ALDH1A1: variants seen among roughly 807,000 people sequenced by gnomAD.
ALDH1A1 encodes aldehyde dehydrogenase 1A1.
A neutral mutation model predicts 62.1 loss-of-function variants in ALDH1A1; 19 were observed. That is an observed-to-expected ratio of 0.31 (90% CI 0.21 to 0.45). The LOEUF is 0.45. Ranked by LOEUF, ALDH1A1 falls within the 20% of genes least tolerant of loss-of-function variation. The pLI is 1.00. For missense variants in ALDH1A1, 521 were observed against 607.1 expected (o/e 0.86, Z 1.49); for synonymous variants, 231 against 215.9 (o/e 1.07, Z -0.61).
chr9:72,950,665 C>A (rs1830533838), intron 1 of ALDH1A1, among the ~76,000 whole-genome samples: 1 of 151,448 alleles, frequency 6.6e-6, no homozygotes, highest in Non-Finnish European at 1.5e-5. Flanking sequence ...TTACTCAACC[C>A]TGTCTGTTCT....
intron 7 of ALDH1A1, among the ~76,000 whole-genome samples, chr9:72,922,898 G>C (rs1299768932): frequency 6.6e-6 from 1 of 152,254 alleles, no homozygotes; most frequent in African/African-American, 2.4e-5. Context: ...CTCTACGTCT[G>C]TGAAAAACAA....
intron 10 of ALDH1A1, among the ~76,000 whole-genome samples, chr9:72,911,136 A>G (rs1425819297): frequency 6.6e-6 from 1 of 152,124 alleles, no homozygotes; most frequent in Non-Finnish European, 1.5e-5. Flanking sequence ...TACACATTAT[A>G]TATGTATACA....
At chr9:72,907,285 A>C (rs1829888862) in intron 11 of ALDH1A1, among the ~76,000 whole-genome samples, 1 of 152,204 alleles carries the variant, frequency 6.6e-6, no homozygotes, top group East Asian at 1.9e-4. Flanking sequence ...TGAAATTATG[A>C]GTAAACTTCC....
chr9:72,919,939 A>T (rs1233526042), intron 7 of ALDH1A1, among the ~76,000 whole-genome samples: 2 of 152,086 alleles, frequency 1.3e-5, no homozygotes, highest in Non-Finnish European at 2.9e-5. Flanking sequence ...TGGTTTTTCT[A>T]TCTCTAAAAA....
Position 72,912,113 on chromosome 9 carries a change from C to T in ALDH1A1, c.1045G>A (p.Glu349Lys). ...AGGTCAAGTATTTTATCATATTGTT[C>T]CTTGTCAATCTATTTGAAAAATATC... The part of the protein sequence containing the change: ...GVTQGPQIDK[E>K]QYDKILDLIE... The change falls in exon 10 of 13, where the codon GAA (glutamate) becomes AAA (lysine). Residue 349 changes from glutamate (E) to lysine (K), a missense_variant. By Grantham distance (56) the Glu-to-Lys change is moderately conservative. Transcript: ENST00000297785. 1 of 1,610,008 alleles carries T rather than the reference C, an allele frequency of 6.2e-7. No individual in the cohort carries two copies. The highest frequency in any genetic ancestry group is 1.1e-5 in the South Asian group (1 of 90,646).
chr9:72,941,685 A>G (rs551863681), intron 1 of ALDH1A1, among the ~76,000 whole-genome samples: 1 of 152,302 alleles, frequency 6.6e-6, no homozygotes, highest in South Asian at 2.1e-4. Flanking sequence ...ACTCATGGAT[A>G]AGATCTATAA....
chr9:72,923,171 T>C (rs947338754), intron 7 of ALDH1A1, among the ~76,000 whole-genome samples: 8 of 152,162 alleles, frequency 5.3e-5, no homozygotes, highest in Admixed American at 5.2e-4. Flanking sequence ...TTCCTTCTTG[T>C]GAACCTTTTT....
At chr9:72,929,482 C>T (rs1830253490) in intron 3 of ALDH1A1, among the ~76,000 whole-genome samples, 1 of 152,172 alleles carries the variant, frequency 6.6e-6, no homozygotes, top group Admixed American at 6.5e-5. Flanking sequence ...ACACAGTCTA[C>T]TCACACAAAC....
intron 7 of ALDH1A1, among the ~76,000 whole-genome samples, chr9:72,923,539 C>T (rs1460773557): frequency 1.3e-5 from 2 of 152,008 alleles, no homozygotes; most frequent in Non-Finnish European, 2.9e-5. Context: ...AAGTTCAAGC[C>T]AGAGAGGCAG....
At chr9:72,943,628 G>A (rs1830442051) in intron 1 of ALDH1A1, among the ~76,000 whole-genome samples, 2 of 152,128 alleles carry the variant, frequency 1.3e-5, no homozygotes, top group Non-Finnish European at 2.9e-5. Context: ...CCCAACTTGT[G>A]TTTGAACTTG....
intron 1 of ALDH1A1, among the ~76,000 whole-genome samples, chr9:72,952,713 G>T (rs376147926): frequency 6.6e-6 from 1 of 151,824 alleles, no homozygotes; most frequent in East Asian, 1.9e-4. Context: ...AATTCCTTTC[G>T]CTTGGAAATA....
chr9:72,906,891 G>A (rs1398734934), intron 11 of ALDH1A1, among the ~76,000 whole-genome samples: 3 of 152,084 alleles, frequency 2.0e-5, no homozygotes, highest in African/African-American at 4.8e-5. Context: ...GCCTGGGTTA[G>A]TAGCTGGAGA....
Position 72,944,347 on chromosome 9 carries a change from G to T in ALDH1A1, c.67-4095C>A, listed in dbSNP as rs75393167. 7.1e-3 allele frequency among the ~76,000 whole-genome samples: 1,087 copies of T among 152,148 alleles called. 5 individuals carry two copies. The highest frequency in any genetic ancestry group is 0.012 in the Non-Finnish European group (815 of 67,984). On this transcript the variant is annotated intron_variant, in intron 1 of 12. Coordinates refer to ENST00000297785, the MANE Select transcript of ALDH1A1 (RefSeq NM_000689.5). Reference sequence around the variant, plus strand: ...ATGCCATTCTCCCACAAACAGAGGCGTTTCAGCATGAAAAGGGAATTTGGC... The same window carrying T: ...ATGCCATTCTCCCACAAACAGAGGCTTTTCAGCATGAAAAGGGAATTTGGC...
intron 7 of ALDH1A1, among the ~76,000 whole-genome samples, chr9:72,920,409 G>T (rs1830125672): frequency 6.6e-6 from 1 of 152,090 alleles, no homozygotes; most frequent in Non-Finnish European, 1.5e-5. Flanking sequence ...AGATGTTAAG[G>T]AGTTTTTAAT....
In ALDH1A1 at chr9:72,907,873, C is replaced by T. The variant is rs143345438; in HGVS notation, c.1358+1729G>A. Among the ~76,000 whole-genome samples the T allele has an allele frequency of 3.9e-3, 589 of 152,232 alleles. 5 individuals are homozygous for T. Among genetic ancestry groups the T allele is most frequent in the African/African-American group, 0.013 (560 of 41,530 alleles). On this transcript the variant is annotated intron_variant, in intron 11 of 12. Transcript: ENST00000297785. ...TATCATAGGCAAATTCTATATTCAT[C>T]ACTAGCTATACCGACTATTCAAGAA...
intron 12 of ALDH1A1, among the ~76,000 whole-genome samples, chr9:72,902,995 T>C (rs1393085433): frequency 1.3e-5 from 2 of 151,124 alleles, no homozygotes; most frequent in Non-Finnish European, 3.0e-5. Context: ...AGTACCACAT[T>C]ACATCTGATT....
intron 1 of ALDH1A1, among the ~76,000 whole-genome samples, chr9:72,947,737 T>C (rs529420388): frequency 6.6e-6 from 1 of 152,036 alleles, no homozygotes; most frequent in South Asian, 2.1e-4. Flanking sequence ...TCCAGTTTAT[T>C]CTACTTTTGC....
chr9:72,949,538 G>A (rs1830513015), intron 1 of ALDH1A1, among the ~76,000 whole-genome samples: 1 of 151,780 alleles, frequency 6.6e-6, no homozygotes, highest in Non-Finnish European at 1.5e-5. Context: ...TGTGAAACAG[G>A]AATAGTAACC....
chr9:72,938,241 C>CAAT (rs570620705), intron 2 of ALDH1A1, among the ~76,000 whole-genome samples: 3 of 151,514 alleles, frequency 2.0e-5, no homozygotes, highest in South Asian at 2.1e-4. Flanking sequence ...TTTCCTGCAG[C>CAAT]AATAATAATA....
Sources: gnomAD v4.1 joint callset for allele counts (sites outside exome capture counted in the v4.1 genomes callset) on GRCh38, gnomAD v4.1.1 for gene constraint, MANE v1.5 for transcripts, NCBI Gene and HGNC (gene_info 2026-07-23, HGNC 2026-07-21) for gene names.